The following AAR2 variants were observed in gnomAD, a reference collection of about 807,000 sequenced individuals.
AAR2 encodes protein AAR2 homolog.
Under a neutral mutation model 26.9 loss-of-function variants are expected in AAR2, and 31 were observed. The observed-to-expected ratio is 1.15, with a 90% CI of 0.86 to 1.55. The LOEUF is 1.55. Ranked by LOEUF, AAR2 falls within the 40% of genes most tolerant of loss-of-function variation. AAR2 has a pLI of 0.00. For missense variants in AAR2, 430 were observed against 491.3 expected (o/e 0.88, Z 1.18); for synonymous variants, 188 against 196.1 (o/e 0.96, Z 0.34).
chr20:36,240,832 TAAAC>T (rs1274086548), intron 2 of AAR2, among the ~76,000 whole-genome samples: 2 of 152,198 alleles, frequency 1.3e-5, no homozygotes, highest in Non-Finnish European at 2.9e-5. Context: ...ATCTGTCTAA[TAAAC>T]AAACATCCTA....
chr20:36,244,951 G>A, intron 3 of AAR2, 25 bp downstream of exon 3: 1 of 1,587,050 alleles, frequency 6.3e-7, no homozygotes, highest in Non-Finnish European at 8.7e-7. Context: ...TGACTGAGCT[G>A]ATGCACATGT....
chr20:36,249,596 G>A (rs2064765669), intron 3 of AAR2, among the ~76,000 whole-genome samples: 1 of 152,086 alleles, frequency 6.6e-6, no homozygotes, highest in African/African-American at 2.4e-5. Flanking sequence ...TTTTTATCAC[G>A]ATGCCCACTA....
Position 36,240,597 on chromosome 20 carries a change from G to A in AAR2, c.729G>A (p.Gln243=), listed in dbSNP as rs776466542. Residue 243 remains glutamine (Q), a synonymous_variant, in exon 2 of 4, where the codon CAG becomes CAA. Transcript: ENST00000320849. ...SYALETVLNK[Q]FPSSPQDVLG... is the part of the protein sequence containing the mutation. The stretch of plus-strand genomic sequence containing the variant: ...CCCTGGAGACTGTGCTCAACAAGCA[G>A]TTCCCCAGCAGCCCCCAGGATGTGC... The A allele has an allele frequency of 6.2e-6, 10 of 1,611,834 alleles. No individual in the cohort carries two copies. The highest frequency in any genetic ancestry group is 1.7e-5 in the Admixed American group (1 of 60,014).
At chr20:36,244,320 T>C (rs1367490872) in intron 2 of AAR2, among the ~76,000 whole-genome samples, 1 of 152,204 alleles carries the variant, frequency 6.6e-6, no homozygotes, top group Non-Finnish European at 1.5e-5. Flanking sequence ...CTTGGGTAGC[T>C]TTACTTTTAA....
chr20:36,245,101 A>G (rs1394109599), intron 3 of AAR2, among the ~76,000 whole-genome samples, 175 bp downstream of exon 3: 2 of 151,964 alleles, frequency 1.3e-5, no homozygotes. Flanking sequence ...CCTCTATGCC[A>G]GAAATTTTCT....
rs1177521082 is a variant in AAR2, at chr20:36,248,882, CT to C, written c.987+3971del. Among the ~76,000 whole-genome samples, 1,114 of 141,286 alleles carry C rather than the reference CT, an allele frequency of 7.9e-3. 3 individuals are homozygous for C. Among genetic ancestry groups the C allele is most frequent in the Admixed American group, 7.3e-3 (103 of 14,044 alleles). The allele number at this position is 141,286 out of a possible 152,430, so 92.7% of individuals were successfully genotyped here. ...CAATGTGGAGAAGGATATTGTAAAACTTTTTTTTTTTTTTTAATGGAGAGTC... is the reference window on the plus strand; with the variant it reads ...CAATGTGGAGAAGGATATTGTAAAACTTTTTTTTTTTTTTAATGGAGAGTC... On this transcript the variant is annotated intron_variant, in intron 3 of 3. Coordinates refer to ENST00000320849, the MANE Select transcript of AAR2 (RefSeq NM_001271874.2).
At position 36,245,734 on chromosome 20, in the gene AAR2, A is replaced by G. The variant is rs910649336; in HGVS notation, c.987+808A>G. On this transcript the variant is annotated intron_variant, in intron 3 of 3. Coordinates refer to ENST00000320849, the MANE Select transcript of AAR2 (RefSeq NM_001271874.2). Reference sequence around the variant, plus strand: ...CAGAAGGGACGAGCATTCGTTAAATATTGGGGCTGGGCGTGGTGGTTCATG... The same window carrying G: ...CAGAAGGGACGAGCATTCGTTAAATGTTGGGGCTGGGCGTGGTGGTTCATG... Among the ~76,000 whole-genome samples, 7 of 152,290 alleles carry G rather than the reference A, an allele frequency of 4.6e-5. No homozygotes were observed. In the East Asian group the frequency reaches 1.4e-3, roughly 29 times the overall value.
chr20:36,251,676 T>C (rs2064781715), intron 3 of AAR2, among the ~76,000 whole-genome samples: 1 of 152,234 alleles, frequency 6.6e-6, no homozygotes, highest in East Asian at 1.9e-4. Context: ...GCAGTGGGAA[T>C]AGTAAGTTCC....
At position 36,240,225 on chromosome 20, in the gene AAR2, C is replaced by T. The variant is rs1270329323; in HGVS notation, c.357C>T (p.Asp119=). 6.2e-7 allele frequency: 1 copy of T among 1,614,108 alleles called. No individual in the cohort carries two copies. The highest frequency in any genetic ancestry group is 8.5e-7 in the Non-Finnish European group (1 of 1,180,042). Residue 119 remains aspartate, a synonymous_variant, in exon 2 of 4, where the codon GAC becomes GAT. Transcript: ENST00000320849. ...EAMRANLQEL[D]QFLGPYPYAT... ...TGAGGGCCAACCTCCAGGAGCTGGACCAGTTCCTGGGGCCTTACCCATATG... is the reference window on the plus strand; with the variant it reads ...TGAGGGCCAACCTCCAGGAGCTGGATCAGTTCCTGGGGCCTTACCCATATG...
chr20:36,244,264 C>A (rs928613689), intron 2 of AAR2, among the ~76,000 whole-genome samples: 1 of 152,166 alleles, frequency 6.6e-6, no homozygotes, highest in Non-Finnish European at 1.5e-5. Flanking sequence ...GCTACAGATA[C>A]GAAGGCCCCA....
chr20:36,253,984 C>T (rs1347751846), intron 3 of AAR2, among the ~76,000 whole-genome samples: 1 of 152,174 alleles, frequency 6.6e-6, no homozygotes, highest in Non-Finnish European at 1.5e-5. Context: ...AACCTTTGTG[C>T]ATTGCTGGTG....
In AAR2 at chr20:36,244,707, G is replaced by T; in HGVS notation, c.768G>T (p.Gln256His). 1 of 1,614,146 alleles carries T rather than the reference G, an allele frequency of 6.2e-7. No individual in the cohort carries two copies. Among genetic ancestry groups the T allele is most frequent in the Non-Finnish European group, 8.5e-7 (1 of 1,180,044 alleles). ...SSPQDVLGELQFAFVCFLLGN... is the reference protein window; with the variant it reads ...SSPQDVLGELHFAFVCFLLGN... Reference sequence around the variant, plus strand: ...CTCTGCACCTTTCAGGTGAACTCCAGTTTGCTTTTGTGTGCTTCCTGCTGG... The same window carrying T: ...CTCTGCACCTTTCAGGTGAACTCCATTTTGCTTTTGTGTGCTTCCTGCTGG... The change falls in exon 3 of 4, where the codon CAG becomes CAT. Residue 256 changes from glutamine to histidine, a missense_variant. Coordinates refer to ENST00000320849, the MANE Select transcript of AAR2 (RefSeq NM_001271874.2).
At chr20:36,243,847 A>G (rs2064707554) in intron 2 of AAR2, among the ~76,000 whole-genome samples, 1 of 152,246 alleles carries the variant, frequency 6.6e-6, no homozygotes, top group African/African-American at 2.4e-5. Flanking sequence ...ACAGCTGCTA[A>G]GTGGCAGAGC....
intron 1 of AAR2, among the ~76,000 whole-genome samples, chr20:36,238,755 CAAA>C (rs59138282): frequency 2.2e-4 from 14 of 62,708 alleles, no homozygotes; most frequent in Non-Finnish European, 9.7e-5. Context: ...GACCCTGTCT[CAAA>C]AAAAAAAAAA....
At chr20:36,246,060 G>T (rs1569427210) in intron 3 of AAR2, among the ~76,000 whole-genome samples, 1 of 152,080 alleles carries the variant, frequency 6.6e-6, no homozygotes. Flanking sequence ...TAAGATGGGG[G>T]TATTATTCCC....
At chr20:36,248,398 C>T (rs988257153) in intron 3 of AAR2, among the ~76,000 whole-genome samples, 3 of 150,784 alleles carry the variant, frequency 2.0e-5, no homozygotes, top group East Asian at 1.9e-4. Context: ...TACAATGGCG[C>T]GATCTCGGCT....
intron 3 of AAR2, among the ~76,000 whole-genome samples, chr20:36,251,910 G>A (rs1382576822): frequency 6.6e-6 from 1 of 152,238 alleles, no homozygotes; most frequent in South Asian, 2.1e-4. Context: ...ATTGCCAAGT[G>A]CAGGGCAGTC....
rs761860611 is a variant in AAR2, at chr20:36,240,236, G to C, written c.368G>C (p.Gly123Ala). 6.2e-7 allele frequency: 1 copy of C among 1,614,172 alleles called. No homozygotes were observed. ...CTCCAGGAGCTGGACCAGTTCCTGG[G>C]GCCTTACCCATATGCCACCCTGAAG... ...ANLQELDQFLGPYPYATLKKW... is the reference protein window; with the variant it reads ...ANLQELDQFLAPYPYATLKKW... The change falls in exon 2 of 4, where the codon GGG (glycine) becomes GCG (alanine). Residue 123 changes from glycine (G) to alanine (A), a missense_variant. Transcript: ENST00000320849.
chr20:36,247,907 A>C (rs1481402422), intron 3 of AAR2, among the ~76,000 whole-genome samples: 1 of 152,100 alleles, frequency 6.6e-6, no homozygotes, highest in Admixed American at 6.5e-5. Context: ...GGTAAAAAAA[A>C]ACACAATTTA....
Sources: allele counts gnomAD v4.1 joint callset (sites outside exome capture counted in the v4.1 genomes callset), GRCh38; gene constraint gnomAD v4.1.1; transcripts MANE v1.5; gene names NCBI Gene and HGNC (gene_info 2026-07-23, HGNC 2026-07-21).